Variants in CTNNA3 observed in about 807,000 individuals in gnomAD.
CTNNA3 encodes catenin alpha 3.
In CTNNA3, 76 loss-of-function variants were observed where a neutral mutation model predicts 95.7. The observed-to-expected ratio is 0.79, with a 90% CI of 0.66 to 0.96. The LOEUF (loss-of-function observed/expected upper bound fraction) is 0.96, where lower values mean the gene tolerates loss of function less well. Among genes scored for constraint, CTNNA3 ranks in the 40% least tolerant of loss-of-function variants. The pLI is 0.00. For synonymous variants in CTNNA3, 431 were observed against 374.4 expected (o/e 1.15, Z -1.74); for missense variants, 1,191 against 1,089.8 (o/e 1.09, Z -1.31).
At chr10:66,436,470 G>T (rs2093338230) in intron 11 of CTNNA3, among the ~76,000 whole-genome samples, 1 of 145,884 alleles carries the variant, frequency 6.9e-6, no homozygotes, top group Non-Finnish European at 1.5e-5. Context: ...TTTAAAGTCT[G>T]GGTTATCAGA....
At chr10:66,891,811 A>G (rs1386289501) in intron 7 of CTNNA3, among the ~76,000 whole-genome samples, 2 of 152,132 alleles carry the variant, frequency 1.3e-5, no homozygotes, top group Admixed American at 1.3e-4. Flanking sequence ...TAAAGAAGTT[A>G]CCATTCCTGT....
At chr10:67,289,759 A>AATGG (rs920303037) in intron 5 of CTNNA3, among the ~76,000 whole-genome samples, 5 of 145,846 alleles carry the variant, frequency 3.4e-5, no homozygotes, top group Non-Finnish European at 7.4e-5. Flanking sequence ...AGGATGGATG[A>AATGG]ATGGATGGAT....
At chr10:67,747,327 G>A (rs534202788) in intron 1 of CTNNA3, among the ~76,000 whole-genome samples, 59 of 152,292 alleles carry the variant, frequency 3.9e-4, no homozygotes, top group African/African-American at 1.3e-3. Flanking sequence ...CCCCCAACAG[G>A]GGTCACCGGA....
chr10:66,624,022 A>T (rs979945189), intron 9 of CTNNA3, among the ~76,000 whole-genome samples: 7 of 152,134 alleles, frequency 4.6e-5, no homozygotes, highest in Non-Finnish European at 8.8e-5. Context: ...GATGTTCTGT[A>T]AAAATAGTTT....
At chr10:67,017,512 C>A (rs1333429443) in intron 7 of CTNNA3, among the ~76,000 whole-genome samples, 1 of 152,168 alleles carries the variant, frequency 6.6e-6, no homozygotes, top group Non-Finnish European at 1.5e-5. Context: ...GTGTACCACA[C>A]TGGGAACCAC....
chr10:66,800,808 C>A lies in CTNNA3; in HGVS notation c.1048-25284G>T, dbSNP rs1042786900. Among the ~76,000 whole-genome samples the A allele has an allele frequency of 2.0e-5, 3 of 151,224 alleles. No homozygotes were observed. The East Asian group carries it at 5.8e-4, about 29-fold the overall frequency. ...ATTGTCTTACAAGTATTTTTATTTG[C>A]TGAAACAAATAAAAATGGAAAAGCT... On this transcript the variant is annotated intron_variant, in intron 7 of 17. Transcript: ENST00000433211.
intron 1 of CTNNA3, among the ~76,000 whole-genome samples, chr10:67,756,005 T>C (rs1477823017): frequency 6.6e-6 from 1 of 152,110 alleles, no homozygotes; most frequent in African/African-American, 2.4e-5. Flanking sequence ...ATCCTCTCAT[T>C]TGCAGCAACA....
At chr10:67,050,260 C>T (rs985566848) in intron 7 of CTNNA3, among the ~76,000 whole-genome samples, 34 of 152,310 alleles carry the variant, frequency 2.2e-4, no homozygotes, top group African/African-American at 8.2e-4. Context: ...CACACAGTAA[C>T]TGATTTGTCA....
At chr10:65,964,764 CT>C (rs781340790) in intron 17 of CTNNA3, among the ~76,000 whole-genome samples, 1 of 152,184 alleles carries the variant, frequency 6.6e-6, no homozygotes, top group Non-Finnish European at 1.5e-5. Context: ...AATAAACATA[CT>C]TTTTTACATA....
chr10:67,469,629 G>C (rs1301276216), intron 5 of CTNNA3, among the ~76,000 whole-genome samples: 4 of 152,042 alleles, frequency 2.6e-5, no homozygotes, highest in Non-Finnish European at 5.9e-5. Context: ...GGCTAGAAGA[G>C]TGATAGCATT....
At chr10:66,446,689 C>G (rs531498189) in intron 11 of CTNNA3, among the ~76,000 whole-genome samples, 6,020 of 152,146 alleles carry the variant, frequency 0.04, 182 homozygotes, top group Non-Finnish European at 0.063. Context: ...ATAATAAGAG[C>G]TATCTATGAC....
chr10:67,037,388 GAA>G (rs66693044), intron 7 of CTNNA3, among the ~76,000 whole-genome samples: 8 of 145,616 alleles, frequency 5.5e-5, no homozygotes, highest in South Asian at 2.2e-4. Context: ...AAAGAAAAAA[GAA>G]AAAAAAAACA....
At chr10:67,075,283 C>CT (rs769400444) in intron 7 of CTNNA3, among the ~76,000 whole-genome samples, 1 of 151,988 alleles carries the variant, frequency 6.6e-6, no homozygotes, top group Non-Finnish European at 1.5e-5. Flanking sequence ...TCAAAGCCTA[C>CT]TTTATCCATA....
intron 15 of CTNNA3, among the ~76,000 whole-genome samples, chr10:66,049,362 TG>T (rs1436868596): frequency 6.6e-6 from 1 of 152,172 alleles, no homozygotes; most frequent in Non-Finnish European, 1.5e-5. Flanking sequence ...GTTCAACCAT[TG>T]TGGAAAGCAG....
chr10:67,739,922 A>G (rs890526896), intron 1 of CTNNA3, among the ~76,000 whole-genome samples: 3 of 152,228 alleles, frequency 2.0e-5, no homozygotes, highest in Admixed American at 6.5e-5. Context: ...ACAAGGCTAC[A>G]GTAACCAAAA....
intron 7 of CTNNA3, among the ~76,000 whole-genome samples, chr10:66,908,990 C>G (rs373419564): frequency 1.2e-4 from 18 of 152,322 alleles, no homozygotes; most frequent in African/African-American, 4.1e-4. Flanking sequence ...CTTCTTCAAG[C>G]TGGATTTTAA....
chr10:66,020,023 CTT>C (rs1028414874), intron 15 of CTNNA3, among the ~76,000 whole-genome samples: 3 of 152,130 alleles, frequency 2.0e-5, no homozygotes, highest in African/African-American at 7.2e-5. Flanking sequence ...GCATTTAAAA[CTT>C]AATAAAATAC....
At chr10:67,603,602 C>T (rs1171040708) in intron 3 of CTNNA3, among the ~76,000 whole-genome samples, 3 of 144,514 alleles carry the variant, frequency 2.1e-5, no homozygotes, top group African/African-American at 5.1e-5. Flanking sequence ...AACTTTAAAC[C>T]GTAAAAAAAA....
Position 67,660,205 on chromosome 10 carries a change from C to A in CTNNA3, c.-5-12687G>T, listed in dbSNP as rs899807690. On this transcript the variant is annotated intron_variant, in intron 1 of 17. Transcript: ENST00000433211. ...ATTTATCAATATTTTCTTAAAGTTTCTCCAGGAACACTAGCTAAATACCTA... is the reference window on the plus strand; with the variant it reads ...ATTTATCAATATTTTCTTAAAGTTTATCCAGGAACACTAGCTAAATACCTA... Among the ~76,000 whole-genome samples the A allele has an allele frequency of 2.0e-5, 3 of 152,128 alleles. No individual in the cohort carries two copies. The South Asian group carries it at 6.2e-4, about 31-fold the overall frequency.
Sources: allele counts gnomAD v4.1 joint callset (sites outside exome capture counted in the v4.1 genomes callset), GRCh38; gene constraint gnomAD v4.1.1; transcripts MANE v1.5; gene names NCBI Gene and HGNC (gene_info 2026-07-23, HGNC 2026-07-21).